LRRIQ3: variants seen among roughly 807,000 people sequenced by gnomAD.
LRRIQ3 encodes the protein leucine rich repeats and IQ motif containing 3.
A neutral mutation model predicts 59.3 loss-of-function variants in LRRIQ3; 75 were observed. The observed-to-expected ratio is 1.26, with a 90% CI of 1.05 to 1.53. The LOEUF (loss-of-function observed/expected upper bound fraction) is 1.53, where lower values mean the gene tolerates loss of function less well. Ranked by LOEUF, LRRIQ3 falls within the 40% of genes most tolerant of loss-of-function variation. The pLI, the probability that LRRIQ3 is intolerant of heterozygous loss-of-function variation, is 0.00. For missense variants in LRRIQ3, 831 were observed against 710.0 expected (o/e 1.17, Z -1.94); for synonymous variants, 250 against 231.3 (o/e 1.08, Z -0.73).
chr1:74,119,701 AT>A (rs1646825695), intron 4 of LRRIQ3, among the ~76,000 whole-genome samples: 1 of 152,144 alleles, frequency 6.6e-6, no homozygotes, highest in Non-Finnish European at 1.5e-5. Context: ...TCCCCACCAA[AT>A]TAAAATAATA....
intron 4 of LRRIQ3, among the ~76,000 whole-genome samples, chr1:74,122,724 C>T (rs536815795): frequency 3.9e-5 from 6 of 152,068 alleles, no homozygotes; most frequent in Admixed American, 6.6e-5. Flanking sequence ...ACCATAAAAG[C>T]CCTAGAAGAA....
Position 74,041,791 on chromosome 1 carries a change from T to C in LRRIQ3, c.1140A>G (p.Ala380=). ...GAGTAGTATAGATTGGCTGAGGATA[T>C]GCAGGAAAAAAATGTTGTTTTTTCT... The part of the protein sequence containing the change: ...LREKKQHFFP[A]YPQPIYTTHP... The change falls in exon 7 of 8, where the codon GCA becomes GCG. Residue 380 remains alanine, a synonymous_variant. Transcript: ENST00000354431. The C allele has an allele frequency of 3.1e-6, 5 of 1,613,660 alleles. No homozygotes were observed. Among genetic ancestry groups the C allele is most frequent in the Non-Finnish European group, 4.2e-6 (5 of 1,179,756 alleles).
chr1:74,109,999 C>A (rs1390059321), intron 4 of LRRIQ3, among the ~76,000 whole-genome samples: 1 of 151,592 alleles, frequency 6.6e-6, no homozygotes, highest in African/African-American at 2.4e-5. Context: ...TACTCTAGAG[C>A]AGTATGTCTA....
intron 4 of LRRIQ3, among the ~76,000 whole-genome samples, chr1:74,140,550 C>T (rs933411191): frequency 3.3e-5 from 5 of 151,818 alleles, no homozygotes; most frequent in African/African-American, 1.2e-4. Flanking sequence ...AATAGTTGAA[C>T]ACCACCTAAC....
At chr1:74,175,209 G>A (rs1356662430) in intron 3 of LRRIQ3, among the ~76,000 whole-genome samples, 2 of 152,140 alleles carry the variant, frequency 1.3e-5, no homozygotes, top group Non-Finnish European at 2.9e-5. Flanking sequence ...GTCTGCTGGG[G>A]CCAAATGGAA....
chr1:74,146,294 T>G (rs776509708), intron 4 of LRRIQ3, among the ~76,000 whole-genome samples: 64 of 152,212 alleles, frequency 4.2e-4, no homozygotes, highest in Non-Finnish European at 7.5e-4. Flanking sequence ...TTATTTATAA[T>G]GTAAAATCAT....
At position 74,035,859 on chromosome 1, in the gene LRRIQ3, C is replaced by A. The variant is rs527781742; in HGVS notation, c.1718+5354G>T. 1.9e-3 allele frequency among the ~76,000 whole-genome samples: 288 copies of A among 152,190 alleles called. 1 individual carries two copies. Among genetic ancestry groups the A allele is most frequent in the African/African-American group, 6.5e-3 (272 of 41,544 alleles). On this transcript the variant is annotated intron_variant, in intron 7 of 7. Transcript: ENST00000354431. ...CCTAGCTTTACCTATTTTGAACTTT[C>A]CAACTTTGCTTATCCTCTTCTCCTT...
intron 4 of LRRIQ3, among the ~76,000 whole-genome samples, chr1:74,129,309 C>T (rs1010622793): frequency 3.3e-5 from 5 of 152,004 alleles, no homozygotes; most frequent in Admixed American, 6.6e-5. Flanking sequence ...AAAGTCCTTC[C>T]CTACTTCCCT....
At chr1:74,154,365 CCT>C (rs895332629) in intron 4 of LRRIQ3, among the ~76,000 whole-genome samples, 119 of 150,722 alleles carry the variant, frequency 7.9e-4, no homozygotes, top group African/African-American at 2.8e-3. Context: ...TTTTTTATCC[CCT>C]GTTCTTTACA....
intron 6 of LRRIQ3, among the ~76,000 whole-genome samples, chr1:74,070,234 C>A (rs1377155255): frequency 6.6e-6 from 1 of 152,014 alleles, no homozygotes; most frequent in Non-Finnish European, 1.5e-5. Flanking sequence ...ACCTAGATGA[C>A]CATCAATGGT....
At chr1:74,158,472 T>G (rs1648474048) in intron 3 of LRRIQ3, among the ~76,000 whole-genome samples, 1 of 152,166 alleles carries the variant, frequency 6.6e-6, no homozygotes, top group South Asian at 2.1e-4. Context: ...CCATCTGTAT[T>G]TCTTGAACTG....
intron 5 of LRRIQ3, among the ~76,000 whole-genome samples, chr1:74,087,903 C>A (rs1646346749): frequency 6.6e-6 from 1 of 151,754 alleles, no homozygotes; most frequent in Non-Finnish European, 1.5e-5. Flanking sequence ...TCAAGACCAG[C>A]CTGGCCAATA....
At chr1:74,144,781 C>T (rs955992700) in intron 4 of LRRIQ3, among the ~76,000 whole-genome samples, 7 of 151,356 alleles carry the variant, frequency 4.6e-5, no homozygotes, top group Admixed American at 6.6e-5. Context: ...ATTTTTCCTG[C>T]GGACTATAGT....
chr1:74,182,714 G>A lies in LRRIQ3; in HGVS notation c.397C>T (p.Pro133Ser). 3 of 1,612,624 alleles carry A rather than the reference G, an allele frequency of 1.9e-6. No individual in the cohort carries two copies. Among genetic ancestry groups the A allele is most frequent in the Non-Finnish European group, 2.5e-6 (3 of 1,179,014 alleles). The change falls in exon 3 of 8, where the codon CCA (proline) becomes TCA (serine). Residue 133 changes from proline to serine, a missense_variant. Transcript: ENST00000354431. ...CTATATCCTTTTTTAAGGCTTACTG[G>A]ACAATCAAACATAGTGAGGGCAATG... is the stretch of plus-strand genomic sequence containing the variant. ...TLIALTMFDCPVSLKKGYRHV... is the reference protein window; with the variant it reads ...TLIALTMFDCSVSLKKGYRHV...
chr1:74,108,004 T>C (rs1400333120), intron 5 of LRRIQ3, among the ~76,000 whole-genome samples: 3 of 151,910 alleles, frequency 2.0e-5, no homozygotes, highest in African/African-American at 4.8e-5. Flanking sequence ...TTGACAATGG[T>C]ACATTTTATA....
chr1:74,176,119 C>T (rs907919875), intron 3 of LRRIQ3, among the ~76,000 whole-genome samples: 1 of 152,070 alleles, frequency 6.6e-6, no homozygotes, highest in African/African-American at 2.4e-5. Context: ...ATGTAGAGCG[C>T]TTCCTTTAGC....
At chr1:74,034,659 C>T (rs1653815559) in intron 7 of LRRIQ3, among the ~76,000 whole-genome samples, 1 of 151,510 alleles carries the variant, frequency 6.6e-6, no homozygotes, top group African/African-American at 2.4e-5. Flanking sequence ...CACACACACA[C>T]ACACACCACA....
chr1:74,029,157 C>T (rs373067424), intron 7 of LRRIQ3, among the ~76,000 whole-genome samples: 22 of 152,098 alleles, frequency 1.4e-4, no homozygotes, highest in African/African-American at 5.1e-4. Flanking sequence ...ACGTCATCTG[C>T]AAACAGGGAC....
intron 6 of LRRIQ3, among the ~76,000 whole-genome samples, chr1:74,045,497 C>A (rs1408262173): frequency 2.0e-5 from 3 of 152,126 alleles, no homozygotes; most frequent in Non-Finnish European, 4.4e-5. Context: ...AACCCACAGC[C>A]AACATCATAC....
Sources: allele counts gnomAD v4.1 joint callset (sites outside exome capture counted in the v4.1 genomes callset), GRCh38; gene constraint gnomAD v4.1.1; transcripts MANE v1.5; gene names NCBI Gene and HGNC (gene_info 2026-07-23, HGNC 2026-07-21).